Variants in PLEKHG1 observed in about 807,000 individuals in gnomAD.
The protein encoded by PLEKHG1 is pleckstrin homology and RhoGEF domain containing G1.
PLEKHG1 carries 44 observed loss-of-function variants against 100.8 expected under a neutral mutation model. That is an observed-to-expected ratio of 0.44 (90% CI 0.34 to 0.56). The LOEUF (loss-of-function observed/expected upper bound fraction) is 0.56, where lower values mean the gene tolerates loss of function less well. Ranked by LOEUF, PLEKHG1 falls within the 20% of genes least tolerant of loss-of-function variation. The pLI, the probability that PLEKHG1 is intolerant of heterozygous loss-of-function variation, is 0.01. For missense variants in PLEKHG1, 1,545 were observed against 1,720.9 expected, an observed-to-expected ratio of 0.90 and a Z score of 1.81; for synonymous variants, 640 against 662.5, an observed-to-expected ratio of 0.97 and a Z score of 0.52.
chr6:150,684,898 A>T (rs1258491482), intron 3 of PLEKHG1, among the ~76,000 whole-genome samples: 1 of 152,104 alleles, frequency 6.6e-6, no homozygotes, highest in Non-Finnish European at 1.5e-5. Flanking sequence ...TTAAGGAAGC[A>T]CGTGTGTGCT....
chr6:150,669,844 C>T lies in PLEKHG1; in HGVS notation c.-99+19058C>T, dbSNP rs1481569587. Among the ~76,000 whole-genome samples the T allele has an allele frequency of 3.3e-5, 5 of 152,188 alleles. No homozygotes were observed. The East Asian group carries it at 9.7e-4, about 29-fold the overall frequency. ...AACTCCTGACCTCAGGCGATCCACCCACCTCGGCCTCCCACAGTGCTGGGA... is the reference window on the plus strand; with the variant it reads ...AACTCCTGACCTCAGGCGATCCACCTACCTCGGCCTCCCACAGTGCTGGGA... On this transcript the variant is annotated intron_variant, in intron 3 of 3. Transcript: ENST00000367326.
Position 150,768,744 on chromosome 6 carries a change from T to C in PLEKHG1, c.512+6T>C. On this transcript the variant is annotated splice_donor_region_variant and intron_variant, in intron 3 of 15. Coordinates refer to ENST00000358517, the Ensembl canonical transcript of PLEKHG1. Reference sequence around the variant, plus strand: ...GATATCTACCACTTCAATAGGTAAGTTAATATTCAAAAGATTGTTCTCACA... The same window carrying C: ...GATATCTACCACTTCAATAGGTAAGCTAATATTCAAAAGATTGTTCTCACA... 1 of 1,452,112 alleles carries C rather than the reference T, an allele frequency of 6.9e-7. No individual in the cohort carries two copies. Among genetic ancestry groups the C allele is most frequent in the Non-Finnish European group, 9.7e-7 (1 of 1,032,696 alleles). The allele number at this position is 1,452,112 out of a possible 1,614,324, so 90.0% of individuals were successfully genotyped here.
chr6:150,786,732 G>T (rs888434255), intron 4 of PLEKHG1, among the ~76,000 whole-genome samples: 1 of 151,950 alleles, frequency 6.6e-6, no homozygotes, highest in Non-Finnish European at 1.5e-5. Flanking sequence ...CGGAGTAGAA[G>T]AATGTTAGAA....
chr6:150,614,694 C>T (rs1283596304), intron 1 of PLEKHG1, among the ~76,000 whole-genome samples: 1 of 152,180 alleles, frequency 6.6e-6, no homozygotes, highest in East Asian at 1.9e-4. Flanking sequence ...CACTCTCCCT[C>T]CCTCTCTCTC....
At chr6:150,728,288 G>A (rs1212215880) in intron 1 of PLEKHG1, among the ~76,000 whole-genome samples, 1 of 152,140 alleles carries the variant, frequency 6.6e-6, no homozygotes, top group African/African-American at 2.4e-5. Context: ...TTTTCTAGTA[G>A]CAACAGTATA....
At chr6:150,769,584 C>CAAAAAAAAAAAA (rs5880898) in intron 3 of PLEKHG1, among the ~76,000 whole-genome samples, 10 of 64,162 alleles carry the variant, frequency 1.6e-4, no homozygotes, top group African/African-American at 2.6e-4. Flanking sequence ...GACTCCATCT[C>CAAAAAAAAAAAA]AAAAAAAAAA....
chr6:150,682,326 A>G (rs1042241693), intron 3 of PLEKHG1, among the ~76,000 whole-genome samples: 1 of 152,170 alleles, frequency 6.6e-6, no homozygotes, highest in Admixed American at 6.5e-5. Context: ...GTGTGGCACA[A>G]AACACTGTGC....
chr6:150,723,988 T>A (rs1781831604), intron 1 of PLEKHG1, among the ~76,000 whole-genome samples: 1 of 152,214 alleles, frequency 6.6e-6, no homozygotes, highest in Admixed American at 6.5e-5. Flanking sequence ...TCCTTGGGCA[T>A]CCCTCTGTGT....
intron 3 of PLEKHG1, among the ~76,000 whole-genome samples, chr6:150,713,961 TA>T (rs1477393897): frequency 2.0e-5 from 3 of 152,256 alleles, no homozygotes; most frequent in Admixed American, 6.5e-5. Context: ...AATCTTGTTT[TA>T]ATTGGTATTT....
intron 4 of PLEKHG1, among the ~76,000 whole-genome samples, chr6:150,792,278 A>C (rs1469422340): frequency 6.6e-6 from 1 of 151,378 alleles, no homozygotes; most frequent in Non-Finnish European, 1.5e-5. Context: ...AATCACTTGA[A>C]TCCAGGAGGT....
At chr6:150,800,301 C>G (rs1366301692) in intron 5 of PLEKHG1, among the ~76,000 whole-genome samples, 4 of 152,102 alleles carry the variant, frequency 2.6e-5, no homozygotes, top group Non-Finnish European at 5.9e-5. Flanking sequence ...ACTCCTTTTT[C>G]TTAGTACAAA....
intron 1 of PLEKHG1, among the ~76,000 whole-genome samples, chr6:150,615,240 T>G (rs899043278): frequency 6.6e-6 from 1 of 152,224 alleles, no homozygotes; most frequent in Non-Finnish European, 1.5e-5. Context: ...CACACCTTGG[T>G]CTGAGGCAGA....
At chr6:150,786,892 T>A (rs1342276379) in intron 4 of PLEKHG1, among the ~76,000 whole-genome samples, 2 of 151,528 alleles carry the variant, frequency 1.3e-5, no homozygotes, top group Non-Finnish European at 2.9e-5. Flanking sequence ...TAGCCAGGCG[T>A]GGTGGTGTGC....
chr6:150,814,482 TAC>T (rs923901348), intron 10 of PLEKHG1, among the ~76,000 whole-genome samples: 1 of 152,252 alleles, frequency 6.6e-6, no homozygotes, highest in African/African-American at 2.4e-5. Context: ...TTATTGAGCA[TAC>T]ACACTGTGCT....
intron 3 of PLEKHG1, among the ~76,000 whole-genome samples, chr6:150,708,705 T>C (rs985432429): frequency 6.6e-6 from 1 of 152,220 alleles, no homozygotes; most frequent in African/African-American, 2.4e-5. Context: ...TTATATTATC[T>C]ATATATCATA....
At chr6:150,727,134 A>G (rs946277055) in intron 1 of PLEKHG1, among the ~76,000 whole-genome samples, 2 of 152,172 alleles carry the variant, frequency 1.3e-5, no homozygotes, top group Admixed American at 1.3e-4. Context: ...AACACAGCAC[A>G]TTCTCTTGAT....
At chr6:150,808,662 A>C (rs1787289921) in intron 7 of PLEKHG1, among the ~76,000 whole-genome samples, 1 of 152,190 alleles carries the variant, frequency 6.6e-6, no homozygotes, top group Non-Finnish European at 1.5e-5. Flanking sequence ...CTGAGGCAGG[A>C]GGATCGCTTG....
At chr6:150,768,522 T>A (rs542308733) in intron 2 of PLEKHG1, 116 bp from the exon 4 acceptor site, 1 of 654,976 alleles carries the variant, frequency 1.5e-6, no homozygotes, top group South Asian at 1.9e-5. Context: ...TCAGAGTTAA[T>A]GAGCACACTA....
At chr6:150,663,174 A>G (rs1409200687) in intron 3 of PLEKHG1, 1 of 152,192 alleles carries the variant, frequency 6.6e-6, no homozygotes, top group African/African-American at 2.4e-5. Flanking sequence ...GTTCATTCAG[A>G]CCTGCAATTA....
Sources: allele counts gnomAD v4.1 joint callset (sites outside exome capture counted in the v4.1 genomes callset), GRCh38; gene constraint gnomAD v4.1.1; transcripts MANE v1.5; gene names NCBI Gene and HGNC (gene_info 2026-07-23, HGNC 2026-07-21).